Variants in SNX25 observed in about 807,000 individuals in gnomAD.
The protein encoded by SNX25 is sorting nexin-25.
In SNX25, 62 loss-of-function variants were observed where a neutral mutation model predicts 113.7. That is an observed-to-expected ratio of 0.55 (90% CI 0.44 to 0.67). SNX25 has a LOEUF of 0.67. Ranked by LOEUF, SNX25 falls within the 30% of genes least tolerant of loss-of-function variation. The probability of loss-of-function intolerance (pLI) is 0.00; values close to 1 mark genes in which losing one functional copy is unlikely to be tolerated. For missense variants in SNX25, 1,014 were observed against 1,161.0 expected, an observed-to-expected ratio of 0.87 and a Z score of 1.84; for synonymous variants, 421 against 436.2, an observed-to-expected ratio of 0.97 and a Z score of 0.43.
intron 1 of SNX25, among the ~76,000 whole-genome samples, chr4:185,228,815 A>C (rs1023426364): frequency 1.3e-5 from 2 of 152,250 alleles, no homozygotes; most frequent in Admixed American, 1.3e-4. Flanking sequence ...TTCACTAGGC[A>C]CTTTACATTC....
intron 1 of SNX25, among the ~76,000 whole-genome samples, chr4:185,237,226 A>G (rs952987277): frequency 6.6e-6 from 1 of 152,198 alleles, no homozygotes; most frequent in Non-Finnish European, 1.5e-5. Context: ...TATCATGTTA[A>G]CAATTTTCTG....
chr4:185,375,349 TGAAGGCTGAGGCA>T, the SNX25 span, among the ~76,000 whole-genome samples: 1 of 143,768 alleles, frequency 7.0e-6, no homozygotes, highest in African/African-American at 2.6e-5. Context: ...CCAGCTACTG[TGAAGGCTGAGGCA>T]GAAGAATCAC....
chr4:185,236,893 G>A (rs1742726360), intron 1 of SNX25, among the ~76,000 whole-genome samples: 1 of 152,082 alleles, frequency 6.6e-6, no homozygotes. Flanking sequence ...AGTAAGTGTT[G>A]GAATCACTGA....
chr4:185,261,659 A>T (rs1052411206), intron 3 of SNX25, among the ~76,000 whole-genome samples: 1 of 152,206 alleles, frequency 6.6e-6, no homozygotes, highest in Non-Finnish European at 1.5e-5. Flanking sequence ...TAATATAAAG[A>T]TATGGATAAA....
intron 6 of SNX25, among the ~76,000 whole-genome samples, chr4:185,303,039 A>G (rs1266118293): frequency 6.6e-6 from 1 of 152,222 alleles, no homozygotes; most frequent in Non-Finnish European, 1.5e-5. Flanking sequence ...CCTGCATTTT[A>G]TAACAAATAA....
chr4:185,375,641 T>C, the SNX25 span: 2 of 1,611,030 alleles, frequency 1.2e-6, no homozygotes, highest in South Asian at 1.1e-5. Context: ...CAGCCCATCA[T>C]AGTACATCAC....
At chr4:185,368,144 C>T (rs1198618650), downstream of SNX25, among the ~76,000 whole-genome samples, 1 of 152,202 alleles carries the variant, frequency 6.6e-6, no homozygotes, top group Non-Finnish European at 1.5e-5. Context: ...CGCCACTGCA[C>T]TCCAGCCTGG....
At chr4:185,310,331 C>G (rs1382547353) in intron 6 of SNX25, among the ~76,000 whole-genome samples, 1 of 152,120 alleles carries the variant, frequency 6.6e-6, no homozygotes, top group Non-Finnish European at 1.5e-5. Context: ...CGTACACATT[C>G]ATATAAAGAT....
rs2095366848 is a variant in SNX25 at position 185,362,035 on chromosome 4, A to G, written c.2763A>G (p.Thr921=). The part of the protein sequence containing the change: ...WPNGKLAPPT[T]IRSKEQSQET... ...ATGGGAAGTTGGCACCACCGACCACAATCAGAAGCAAAGAGCAAAGTCAGG... is the reference window on the plus strand; with the variant it reads ...ATGGGAAGTTGGCACCACCGACCACGATCAGAAGCAAAGAGCAAAGTCAGG... The change falls in exon 17 of 19, where the codon ACA becomes ACG. Residue 921 remains threonine (T), a synonymous_variant. Transcript: ENST00000652585. 3 of 1,614,006 alleles carry G rather than the reference A, an allele frequency of 1.9e-6. No individual in the cohort carries two copies. Among genetic ancestry groups the G allele is most frequent in the Admixed American group, 1.7e-5 (1 of 60,000 alleles).
chr4:185,373,632 T>C (rs2095423672), downstream of SNX25, among the ~76,000 whole-genome samples: 1 of 152,224 alleles, frequency 6.6e-6, no homozygotes, highest in African/African-American at 2.4e-5. Flanking sequence ...AGTTGTTATG[T>C]GTCTCTTGCA....
chr4:185,358,153 C>A (rs1243889750), intron 16 of SNX25, among the ~76,000 whole-genome samples: 1 of 152,236 alleles, frequency 6.6e-6, no homozygotes, highest in Non-Finnish European at 1.5e-5. Flanking sequence ...GAGGAAAATA[C>A]AGACCATGTA....
intron 1 of SNX25, among the ~76,000 whole-genome samples, chr4:185,212,487 GTGTGTT>G (rs1286719703): frequency 4.0e-5 from 2 of 50,452 alleles, no homozygotes; most frequent in African/African-American, 1.5e-4. Flanking sequence ...GTGTGTGTGT[GTGTGTT>G]TTTTTTTTTT....
intron 4 of SNX25, among the ~76,000 whole-genome samples, chr4:185,265,034 G>A (rs1747856636): frequency 6.6e-6 from 1 of 150,972 alleles, no homozygotes; most frequent in Non-Finnish European, 1.5e-5. Flanking sequence ...GTCTTACTAT[G>A]TTGCCCAGGC....
intron 1 of SNX25, among the ~76,000 whole-genome samples, chr4:185,211,689 C>G (rs1452612142): frequency 6.6e-6 from 1 of 152,056 alleles, no homozygotes; most frequent in African/African-American, 2.4e-5. Context: ...GGGGAGCAGG[C>G]AATAAATAAA....
chr4:185,251,596 TGC>T lies in SNX25; in HGVS notation c.514+4220_514+4221del, dbSNP rs1246479129. 2.8e-4 allele frequency among the ~76,000 whole-genome samples: 33 copies of T among 117,920 alleles called. 1 individual carries two copies. The highest frequency in any genetic ancestry group is 1.1e-3 in the African/African-American group (31 of 27,928). 77.4% of individuals were successfully genotyped at this position (117,920 alleles called of 152,430 possible). A position where few individuals can be genotyped will look rare whatever the true frequency, so the allele number is the denominator to read the frequency against. ...GTTTTCAGGCTGAATGATATTCCAT[TGC>T]GTGTGTGTGTGTGTGTGTGTGTGTG... On this transcript the variant is annotated intron_variant, in intron 2 of 18. Transcript: ENST00000652585.
At chr4:185,340,273 A>C (rs1186077602) in intron 11 of SNX25, among the ~76,000 whole-genome samples, 1 of 151,972 alleles carries the variant, frequency 6.6e-6, no homozygotes, top group Non-Finnish European at 1.5e-5. Context: ...GTGGCTTGAC[A>C]CTCTTACAGG....
At chr4:185,333,679 T>A (rs748970307) in intron 10 of SNX25, among the ~76,000 whole-genome samples, 3 of 151,910 alleles carry the variant, frequency 2.0e-5, no homozygotes, top group Non-Finnish European at 4.4e-5. Flanking sequence ...CCTGCAAAGG[T>A]GTGTTGTCTT....
the SNX25 span, chr4:185,378,418 A>G: frequency 4.2e-5 from 56 of 1,346,816 alleles, no homozygotes; most frequent in Non-Finnish European, 5.2e-5. Flanking sequence ...TCTCCATGTC[A>G]TTTTCCACAG....
intron 1 of SNX25, among the ~76,000 whole-genome samples, chr4:185,233,295 A>G (rs977668406): frequency 3.9e-5 from 6 of 151,958 alleles, no homozygotes; most frequent in Non-Finnish European, 7.4e-5. Flanking sequence ...AAAAAAAAAA[A>G]AGAATAAATG....
Sources: gnomAD v4.1 joint callset for allele counts (sites outside exome capture counted in the v4.1 genomes callset) on GRCh38, gnomAD v4.1.1 for gene constraint, MANE v1.5 for transcripts, NCBI Gene and HGNC (gene_info 2026-07-23, HGNC 2026-07-21) for gene names.